ARHGAP8: variants seen among roughly 807,000 people sequenced by gnomAD.
ARHGAP8 encodes the protein rho GTPase-activating protein 8.
In ARHGAP8, 62 loss-of-function variants were observed where a neutral mutation model predicts 46.1. That is an observed-to-expected ratio of 1.34 (90% CI 1.10 to 1.66). ARHGAP8 has a LOEUF of 1.66. Among genes scored for constraint, ARHGAP8 ranks in the 40% most tolerant of loss-of-function variants. ARHGAP8 has a pLI of 0.00. For synonymous variants in ARHGAP8, 375 were observed against 243.1 expected (o/e 1.54, Z -5.05); for missense variants, 923 against 568.4 (o/e 1.62, Z -6.34).
intron 11 of ARHGAP8, among the ~76,000 whole-genome samples, chr22:44,860,154 A>G (rs931607057): frequency 6.7e-6 from 1 of 150,038 alleles, no homozygotes; most frequent in Non-Finnish European, 1.5e-5. Flanking sequence ...AGTCTCTAGG[A>G]GGTGGGAGCT....
intron 2 of ARHGAP8, among the ~76,000 whole-genome samples, chr22:44,790,734 T>A (rs13057930): frequency 0.019 from 1,706 of 87,490 alleles, 26 homozygotes; most frequent in Middle Eastern, 0.034. Flanking sequence ...ACCTGGCCGT[T>A]TTTTTTTTTT....
At chr22:44,850,756 G>A (rs1366758795) in intron 10 of ARHGAP8, 2 of 151,984 alleles carry the variant, frequency 1.3e-5, no homozygotes, top group Non-Finnish European at 2.9e-5. Flanking sequence ...ACTTGTCATA[G>A]GAGTTCAAGA....
intron 4 of ARHGAP8, 52 bp downstream of exon 4, chr22:44,808,490 A>C (rs754686783): frequency 6.3e-7 from 1 of 1,599,350 alleles, no homozygotes; most frequent in Admixed American, 1.7e-5. Context: ...TTGTGGCAGG[A>C]GGAGGCATTG....
intron 7 of ARHGAP8, among the ~76,000 whole-genome samples, chr22:44,839,171 G>A (rs925934541): frequency 6.6e-5 from 10 of 152,084 alleles, no homozygotes; most frequent in Admixed American, 5.9e-4. Context: ...GTCTCTGTGG[G>A]CCCCAGGACG....
At chr22:44,791,671 T>C (rs73420187) in intron 2 of ARHGAP8, among the ~76,000 whole-genome samples, 7,952 of 152,078 alleles carry the variant, frequency 0.052, 312 homozygotes, top group African/African-American at 0.11. Context: ...ATCATTGCAC[T>C]CCAGCCTGGG....
intron 1 of ARHGAP8, among the ~76,000 whole-genome samples, chr22:44,757,427 G>A (rs751668206): frequency 5.9e-5 from 9 of 152,002 alleles, no homozygotes; most frequent in Admixed American, 2.0e-4. Flanking sequence ...ACAGGCATGC[G>A]CCACCACACC....
chr22:44,768,368 G>A (rs993240349), intron 1 of ARHGAP8, among the ~76,000 whole-genome samples: 1 of 151,662 alleles, frequency 6.6e-6, no homozygotes, highest in East Asian at 1.9e-4. Flanking sequence ...GGCGCAATCA[G>A]CCTCAGCTGC....
chr22:44,802,216 C>T (rs1235427171), intron 3 of ARHGAP8, 52 bp downstream of exon 3: 2 of 1,601,280 alleles, frequency 1.2e-6, no homozygotes, highest in East Asian at 4.5e-5. Flanking sequence ...TGTTGCTTGT[C>T]CCCATCCCTT....
intron 11 of ARHGAP8, among the ~76,000 whole-genome samples, chr22:44,861,613 C>G (rs967193381): frequency 1.3e-5 from 2 of 152,146 alleles, no homozygotes; most frequent in African/African-American, 2.4e-5. Context: ...GACTGAGGTT[C>G]CCCCCAGCTT....
intron 3 of ARHGAP8, among the ~76,000 whole-genome samples, chr22:44,803,708 C>T (rs1447064317): frequency 9.2e-6 from 1 of 108,936 alleles, no homozygotes; most frequent in Non-Finnish European, 1.9e-5. Context: ...GGAACACACC[C>T]CCCCATGCAT....
intron 10 of ARHGAP8, among the ~76,000 whole-genome samples, chr22:44,858,255 G>A (rs1002162754): frequency 2.0e-5 from 3 of 152,230 alleles, no homozygotes; most frequent in Non-Finnish European, 4.4e-5. Context: ...GTGTGTTGGA[G>A]GATGTGGGTA....
Position 44,808,308 on chromosome 22 carries a change from T to G in ARHGAP8, c.169T>G (p.Tyr57Asp). 1 of 1,612,220 alleles carries G rather than the reference T, an allele frequency of 6.2e-7. No homozygotes were observed. Among genetic ancestry groups the G allele is most frequent in the Non-Finnish European group, 8.5e-7 (1 of 1,178,846 alleles). Residue 57 changes from tyrosine (Y) to aspartate (D), a missense_variant and splice_region_variant, in exon 4 of 12, where the codon TAT (tyrosine) becomes GAT (aspartate). Physicochemically the swap from Tyr to Asp is radical, Grantham distance 160. Transcript: ENST00000356099. ...HELDHQRLLE[Y>D]LKYTLDQYVE... ...CTGAATCTTCTGTGTTGTGCCCAGG[T>G]ATTTGAAGTACACACTGGACCAATA...
At chr22:44,786,374 T>C (rs530325564) in intron 1 of ARHGAP8, 83 bp from the exon 2 acceptor site, 33 of 1,501,738 alleles carry the variant, frequency 2.2e-5, no homozygotes, top group East Asian at 2.0e-4. Flanking sequence ...TGGGTGACTG[T>C]CTTATGAAAG....
At chr22:44,762,543 C>CT (rs11293128) in intron 1 of ARHGAP8, among the ~76,000 whole-genome samples, 7,519 of 120,280 alleles carry the variant, frequency 0.063, 306 homozygotes, top group Middle Eastern at 0.11. Context: ...CTCTCTCTCT[C>CT]TTTTTTTTTT....
At chr22:44,770,964 G>T (rs1156940518) in intron 1 of ARHGAP8, among the ~76,000 whole-genome samples, 1 of 152,236 alleles carries the variant, frequency 6.6e-6, no homozygotes, top group Non-Finnish European at 1.5e-5. Flanking sequence ...GCCAAAGGCA[G>T]TTTGGAAGTT....
intron 3 of ARHGAP8, among the ~76,000 whole-genome samples, chr22:44,805,935 G>A (rs181258286): frequency 2.0e-5 from 3 of 152,328 alleles, no homozygotes; most frequent in East Asian, 1.9e-4. Context: ...TGCTGAGCAC[G>A]CGGGCAGATG....
intron 1 of ARHGAP8, among the ~76,000 whole-genome samples, chr22:44,781,398 G>C (rs1926837477): frequency 1.3e-5 from 2 of 152,214 alleles, no homozygotes; most frequent in South Asian, 2.1e-4. Flanking sequence ...TGAGGTTCAA[G>C]TGTGGGCTGC....
At chr22:44,801,091 C>A in intron 2 of ARHGAP8, among the ~76,000 whole-genome samples, 1 of 58,284 alleles carries the variant, frequency 1.7e-5, no homozygotes, top group Middle Eastern at 0.013. Context: ...GCACCTCTCC[C>A]CGCAGCTGTC....
At chr22:44,791,187 G>A (rs1927656691) in intron 2 of ARHGAP8, among the ~76,000 whole-genome samples, 1 of 152,152 alleles carries the variant, frequency 6.6e-6, no homozygotes, top group African/African-American at 2.4e-5. Context: ...GAGGGATGTT[G>A]TTGTGGGATT....
Sources: gnomAD v4.1 joint callset for allele counts (sites outside exome capture counted in the v4.1 genomes callset) on GRCh38, gnomAD v4.1.1 for gene constraint, MANE v1.5 for transcripts, NCBI Gene and HGNC (gene_info 2026-07-23, HGNC 2026-07-21) for gene names.